LTF: variants seen among roughly 807,000 people sequenced by gnomAD.
LTF encodes lactotransferrin, also known as epididymis luminal protein 110.
In LTF, 91 loss-of-function variants were observed where a neutral mutation model predicts 87.2. The ratio of observed to expected loss-of-function variants is 1.04; its 90% confidence interval spans 0.88 to 1.24. The LOEUF (loss-of-function observed/expected upper bound fraction) is 1.24. Ranked by LOEUF, LTF falls within the 50% of genes most tolerant of loss-of-function variation. The pLI, the probability that LTF is intolerant of heterozygous loss-of-function variation, is 0.00. For missense variants in LTF, 901 were observed against 904.3 expected, an observed-to-expected ratio of 1.00 and a Z score of 0.05; for synonymous variants, 378 against 356.1, an observed-to-expected ratio of 1.06 and a Z score of -0.69.
upstream of LTF, chr3:46,468,456 A>C: frequency 2.5e-6 from 1 of 399,912 alleles, no homozygotes; most frequent in South Asian, 1.8e-5. Context: ...TGTGAGGCTG[A>C]CTCCCTTCCC....
chr3:46,470,443 G>A (rs1302849248), exon 2 of LTF: 3 of 152,510 alleles, frequency 2.0e-5, no homozygotes, highest in Non-Finnish European at 4.4e-5. Flanking sequence ...TGTGCTGGAG[G>A]CCTCTGTGTC....
chr3:46,453,401 T>A (rs1702848302), intron 6 of LTF, among the ~76,000 whole-genome samples: 1 of 151,770 alleles, frequency 6.6e-6, no homozygotes, highest in South Asian at 2.1e-4. Flanking sequence ...CCTGGGTGCA[T>A]GTGGGGTCTG....
intron 6 of LTF, 72 bp downstream of exon 6, chr3:46,454,233 G>A: frequency 1.5e-6 from 2 of 1,327,632 alleles, no homozygotes; most frequent in Admixed American, 1.7e-5. Flanking sequence ...AATCTAATTA[G>A]CTCAAAGGTC....
chr3:46,458,370 G>A (rs1005465275), intron 2 of LTF, among the ~76,000 whole-genome samples: 1 of 152,174 alleles, frequency 6.6e-6, no homozygotes, highest in Non-Finnish European at 1.5e-5. Flanking sequence ...TGAATGGTAT[G>A]TAGTACTGAT....
chr3:46,472,888 A>G (rs544670105), intron 1 of LTF, among the ~76,000 whole-genome samples: 2 of 151,828 alleles, frequency 1.3e-5, no homozygotes, highest in African/African-American at 2.4e-5. Context: ...CCTCTCTGGA[A>G]CCCCTCCAGG....
rs950286273 is a variant in LTF, at chr3:46,445,201, C to G, written c.1513+80G>C. Reference sequence around the variant, plus strand: ...CACTATCAGCCTGCAAATCCCCTCCCCTCCCTTCCCTAAGGTTCCACAGCA... The same window carrying G: ...CACTATCAGCCTGCAAATCCCCTCCGCTCCCTTCCCTAAGGTTCCACAGCA... On this transcript the variant is annotated intron_variant, in intron 12 of 16. Transcript: ENST00000231751. 13 of 1,390,460 alleles carry G rather than the reference C, an allele frequency of 9.3e-6. No homozygotes were observed. The African/African-American group carries it at 1.5e-4, about 16-fold the overall frequency. 86.1% of individuals were successfully genotyped at this position (1,390,460 alleles called of 1,614,324 possible).
chr3:46,456,614 T>C (rs778265026), intron 2 of LTF, among the ~76,000 whole-genome samples: 1 of 152,194 alleles, frequency 6.6e-6, no homozygotes, highest in Non-Finnish European at 1.5e-5. Context: ...GACTGGCGCC[T>C]GCCCTCTTTC....
chr3:46,451,302 G>A (rs1702796914), intron 6 of LTF, among the ~76,000 whole-genome samples: 1 of 152,156 alleles, frequency 6.6e-6, no homozygotes, highest in Admixed American at 6.5e-5. Context: ...AGAATTAAAA[G>A]TTTATTTTAC....
At chr3:46,462,415 A>G (rs1378309341) in intron 1 of LTF, among the ~76,000 whole-genome samples, 3 of 152,104 alleles carry the variant, frequency 2.0e-5, no homozygotes, top group African/African-American at 7.2e-5. Flanking sequence ...GGAGGGAGCT[A>G]TGGCTTTAAC....
chr3:46,446,288 G>A (rs897891513), intron 11 of LTF, 152 bp downstream of exon 11: 6 of 533,816 alleles, frequency 1.1e-5, no homozygotes, highest in African/African-American at 9.5e-5. Context: ...CTATTCCTCT[G>A]TGAATTATTT....
chr3:46,465,000 G>A (rs1212224165), upstream of LTF: 17 of 850,676 alleles, frequency 2.0e-5, no homozygotes, highest in Non-Finnish European at 3.1e-5. Context: ...CCGCGGCCAG[G>A]TCTACTTGTT....
chr3:46,455,524 G>A lies in LTF; in HGVS notation c.500-82C>T, dbSNP rs551237644. On this transcript the variant is annotated intron_variant, in intron 4 of 16. Transcript: ENST00000231751. ...TTACACCTCCCATCCTGAGGTCTCC[G>A]TGGGCAAGGCCCCTTCCTCCACCCC... The A allele has an allele frequency of 1.3e-3, 2,043 of 1,540,946 alleles. 18 individuals carry two copies. The highest frequency in any genetic ancestry group is 3.9e-4 in the Non-Finnish European group (437 of 1,125,284).
chr3:46,479,246 T>C (rs557342283), intron 1 of LTF, among the ~76,000 whole-genome samples: 1 of 152,254 alleles, frequency 6.6e-6, no homozygotes, highest in Non-Finnish European at 1.5e-5. Flanking sequence ...GAAAACCCCA[T>C]AGCCCCCTCT....
At chr3:46,480,417 A>T (rs1703417331) in intron 1 of LTF, among the ~76,000 whole-genome samples, 1 of 152,026 alleles carries the variant, frequency 6.6e-6, no homozygotes, top group South Asian at 2.1e-4. Context: ...GCCTGTGGTG[A>T]TGGATTGTCA....
Position 46,442,547 on chromosome 3 carries a change from A to AT in LTF, c.1655+893dup, listed in dbSNP as rs549685486. Among the ~76,000 whole-genome samples the AT allele has an allele frequency of 9.9e-5, 15 of 151,564 alleles. No individual in the cohort carries two copies. In the East Asian group the frequency reaches 2.9e-3, roughly 29 times the overall value. On this transcript the variant is annotated intron_variant, in intron 13 of 16. Transcript: ENST00000231751. ...TGCTTCTTTCGGGCTCTTATGAGAC[A>AT]TGTGTTCAGCATTTCTGAGTAGAAT...
chr3:46,440,461 C>T (rs1702491748), intron 14 of LTF, among the ~76,000 whole-genome samples: 1 of 152,180 alleles, frequency 6.6e-6, no homozygotes, highest in Admixed American at 6.5e-5. Context: ...CTGGAGATTA[C>T]TTCAGTTAAT....
In LTF at chr3:46,464,862, T is replaced by A; in HGVS notation, c.6A>T (p.Lys2Asn). The change falls in exon 1 of 17, where the codon AAA becomes AAT. Residue 2 changes from lysine to asparagine, a missense_variant. Coordinates refer to ENST00000231751, the MANE Select transcript of LTF (RefSeq NM_002343.6). ...GGAACAGCAGGACGAGGAAGACAAGTTTCATGTCTGCGGTCTGGAGGCGAC... is the reference window on the plus strand; with the variant it reads ...GGAACAGCAGGACGAGGAAGACAAGATTCATGTCTGCGGTCTGGAGGCGAC... M[K>N]LVFLVLLFLG... The A allele has an allele frequency of 2.5e-6, 4 of 1,613,786 alleles. No homozygotes were observed. Among genetic ancestry groups the A allele is most frequent in the Non-Finnish European group, 3.4e-6 (4 of 1,179,922 alleles).
chr3:46,469,272 T>C (rs1017143044), upstream of LTF, among the ~76,000 whole-genome samples: 6 of 152,168 alleles, frequency 3.9e-5, no homozygotes, highest in African/African-American at 1.2e-4. Context: ...GGCTTTCTCC[T>C]CCATGAGCCA....
chr3:46,445,497 C>T (rs1202931647), intron 11 of LTF, 61 bp from the exon 12 acceptor site: 1 of 1,502,420 alleles, frequency 6.7e-7, no homozygotes, highest in African/African-American at 1.4e-5. Context: ...CACATGGATT[C>T]CAGTGGAGCT....
Sources: gnomAD v4.1 joint callset for allele counts (sites outside exome capture counted in the v4.1 genomes callset) on GRCh38, gnomAD v4.1.1 for gene constraint, MANE v1.5 for transcripts, NCBI Gene and HGNC (gene_info 2026-07-23, HGNC 2026-07-21) for gene names.